The following ADK variants were observed in gnomAD, a reference collection of about 807,000 sequenced individuals.
The protein encoded by ADK is adenosine kinase.
ADK carries 24 observed loss-of-function variants against 44.7 expected under a neutral mutation model. That is an observed-to-expected ratio of 0.54 (90% CI 0.39 to 0.76). ADK has a LOEUF of 0.76. Ranked by LOEUF, ADK falls within the 30% of genes least tolerant of loss-of-function variation. The pLI, the probability that ADK is intolerant of heterozygous loss-of-function variation, is 0.00. For synonymous variants in ADK, 128 were observed against 142.6 expected (o/e 0.90, Z 0.73); for missense variants, 321 against 425.1 (o/e 0.76, Z 2.15).
At chr10:74,697,583 T>C (rs950391440) in intron 10 of ADK, among the ~76,000 whole-genome samples, 28 of 152,178 alleles carry the variant, frequency 1.8e-4, no homozygotes, top group African/African-American at 6.5e-4. Flanking sequence ...GGGTTTTAGG[T>C]TCCAGCTACC....
chr10:74,197,372 GC>G (rs1463170532), intron 1 of ADK, among the ~76,000 whole-genome samples: 2 of 152,126 alleles, frequency 1.3e-5, no homozygotes, highest in Non-Finnish European at 2.9e-5. Flanking sequence ...ATGGTAGATG[GC>G]TTGCTTAAGT....
chr10:74,177,998 A>G (rs1842411837), intron 1 of ADK, among the ~76,000 whole-genome samples: 1 of 147,348 alleles, frequency 6.8e-6, no homozygotes, highest in Non-Finnish European at 1.5e-5. Flanking sequence ...CTGGAGTGCA[A>G]TGGCGCGCTC....
chr10:74,322,916 A>G (rs1840866705), intron 4 of ADK, among the ~76,000 whole-genome samples: 1 of 152,000 alleles, frequency 6.6e-6, no homozygotes, highest in South Asian at 2.1e-4. Context: ...TAGTGATAAC[A>G]TGCTTTTAGT....
intron 1 of ADK, among the ~76,000 whole-genome samples, chr10:74,196,942 C>T (rs1034497609): frequency 3.9e-5 from 6 of 152,178 alleles, no homozygotes; most frequent in Non-Finnish European, 7.3e-5. Context: ...TCGCACTCTG[C>T]TTTCTGTGGT....
intron 3 of ADK, among the ~76,000 whole-genome samples, chr10:74,248,730 T>G (rs1199736869): frequency 2.0e-5 from 3 of 152,244 alleles, no homozygotes; most frequent in African/African-American, 7.2e-5. Flanking sequence ...GGCAGTTGGT[T>G]TAGCAGATGT....
intron 10 of ADK, among the ~76,000 whole-genome samples, chr10:74,702,527 C>CCTTCCTTT (rs1856463944): frequency 7.4e-6 from 1 of 134,230 alleles, no homozygotes; most frequent in Admixed American, 7.5e-5. Flanking sequence ...TTCCTTCTTT[C>CCTTCCTTT]CTTCCTTCCT....
intron 3 of ADK, among the ~76,000 whole-genome samples, chr10:74,288,832 G>A (rs1847293222): frequency 6.6e-6 from 1 of 152,142 alleles, no homozygotes. Flanking sequence ...GTAGAAAATA[G>A]GATCTAAAAT....
At chr10:74,193,298 A>G (rs1476540765) in intron 1 of ADK, among the ~76,000 whole-genome samples, 1 of 151,902 alleles carries the variant, frequency 6.6e-6, no homozygotes, top group African/African-American at 2.4e-5. Context: ...TGTGCACAAC[A>G]TGCAGGTTTG....
At chr10:74,566,201 C>CTTTTTTTTTTTTTTTTT (rs772254919) in intron 7 of ADK, among the ~76,000 whole-genome samples, 1 of 114,024 alleles carries the variant, frequency 8.8e-6, no homozygotes, top group African/African-American at 4.1e-5. Flanking sequence ...CTCTCTCTCT[C>CTTTTTTTTTTTTTTTTT]TTTTTTTTTT....
chr10:74,510,676 A>G (rs1316859886), intron 6 of ADK, among the ~76,000 whole-genome samples: 1 of 152,062 alleles, frequency 6.6e-6, no homozygotes, highest in African/African-American at 2.4e-5. Flanking sequence ...GTTTTCTTCT[A>G]GGAGGGTTAT....
intron 9 of ADK, chr10:74,655,007 C>G (rs984272105): frequency 1.6e-5 from 3 of 191,942 alleles, no homozygotes; most frequent in African/African-American, 7.2e-5. Flanking sequence ...AGGGCCCCGA[C>G]CCCTCCTGAC....
chr10:74,324,376 T>C (rs1165178925), intron 4 of ADK, among the ~76,000 whole-genome samples: 1 of 152,206 alleles, frequency 6.6e-6, no homozygotes, highest in African/African-American at 2.4e-5. Flanking sequence ...TTGTAGATTC[T>C]TTGACCAACA....
At chr10:74,224,708 T>A in intron 3 of ADK, 117 bp downstream of exon 3, 3 of 805,074 alleles carry the variant, frequency 3.7e-6, no homozygotes. Context: ...ATTAACACTA[T>A]GACCTTAATC....
At chr10:74,516,541 T>C (rs1848587815) in intron 6 of ADK, among the ~76,000 whole-genome samples, 2 of 132,050 alleles carry the variant, frequency 1.5e-5, no homozygotes, top group Admixed American at 1.6e-4. Context: ...TTTTTTTTTT[T>C]GAGATGGAGT....
intron 3 of ADK, among the ~76,000 whole-genome samples, chr10:74,276,089 C>A (rs1174998200): frequency 2.0e-5 from 3 of 152,082 alleles, no homozygotes; most frequent in African/African-American, 7.2e-5. Flanking sequence ...AAAGCCCCAC[C>A]CCAAAGTGAG....
At chr10:74,432,385 T>C (rs1310167069) in intron 6 of ADK, among the ~76,000 whole-genome samples, 1 of 152,208 alleles carries the variant, frequency 6.6e-6, no homozygotes, top group Non-Finnish European at 1.5e-5. Context: ...TCCATGCTAT[T>C]GAGGGATATC....
At chr10:74,507,749 C>T (rs796072347) in intron 6 of ADK, among the ~76,000 whole-genome samples, 21 of 152,260 alleles carry the variant, frequency 1.4e-4, no homozygotes, top group African/African-American at 4.8e-4. Flanking sequence ...GTAAGAAGTG[C>T]TCTTCCCTTT....
At chr10:74,537,540 T>C (rs375626047) in intron 7 of ADK, among the ~76,000 whole-genome samples, 1 of 152,210 alleles carries the variant, frequency 6.6e-6, no homozygotes, top group East Asian at 1.9e-4. Context: ...TATCTAGCAG[T>C]AGATGACTAA....
At chr10:74,349,404 C>G (rs962530114) in intron 4 of ADK, among the ~76,000 whole-genome samples, 48 of 152,066 alleles carry the variant, frequency 3.2e-4, no homozygotes, top group African/African-American at 1.1e-3. Flanking sequence ...TACAAGAGCT[C>G]CTGAAGGAAG....
Sources: allele counts gnomAD v4.1 joint callset (sites outside exome capture counted in the v4.1 genomes callset), GRCh38; gene constraint gnomAD v4.1.1; transcripts MANE v1.5; gene names NCBI Gene and HGNC (gene_info 2026-07-23, HGNC 2026-07-21).